The following LCA5L variants were observed in gnomAD, a reference collection of about 807,000 sequenced individuals.
LCA5L encodes lebercilin-like protein.
In LCA5L, 35 loss-of-function variants were observed where a neutral mutation model predicts 45.4. That is an observed-to-expected ratio of 0.77 (90% CI 0.59 to 1.02). LCA5L has a LOEUF of 1.02. LCA5L is among the 50% of genes least tolerant of loss of function. The probability of loss-of-function intolerance (pLI) is 0.00; values close to 1 mark genes in which losing one functional copy is unlikely to be tolerated. For missense variants in LCA5L, 668 were observed against 761.6 expected (o/e 0.88, Z 1.45); for synonymous variants, 233 against 264.7 (o/e 0.88, Z 1.16).
chr21:39,420,799 C>G lies in LCA5L; in HGVS notation c.882G>C (p.Arg294=), dbSNP rs1170165164. ...TCTTCCGAGTCTCAATAGCCAGCTG[C>G]CGGCTAAAGGCTCTGCAGTTCAACC... ...QLRLNCRAFS[R]QLAIETRKTL... is the part of the protein sequence containing the mutation. Residue 294 remains arginine (R), a synonymous_variant, in exon 7 of 11, where the codon CGG becomes CGC. Coordinates refer to ENST00000288350, the MANE Select transcript of LCA5L (RefSeq NM_152505.4). The G allele has an allele frequency of 1.2e-6, 2 of 1,613,158 alleles. No homozygotes were observed. The highest frequency in any genetic ancestry group is 1.7e-6 in the Non-Finnish European group (2 of 1,179,246).
intron 8 of LCA5L, chr21:39,410,946 TC>T (rs1407930831): frequency 6.4e-6 from 3 of 470,876 alleles, no homozygotes; most frequent in Admixed American, 2.3e-5. Flanking sequence ...AGGTGAGTAT[TC>T]CTATGGTACT....
At chr21:39,434,869 G>A (rs1192620982) in intron 3 of LCA5L, among the ~76,000 whole-genome samples, 1 of 152,158 alleles carries the variant, frequency 6.6e-6, no homozygotes, top group Non-Finnish European at 1.5e-5. Context: ...TTTATTTAGT[G>A]TCTTCCAGGG....
intron 7 of LCA5L, among the ~76,000 whole-genome samples, chr21:39,418,767 T>C (rs1200482409): frequency 6.6e-6 from 1 of 152,332 alleles, no homozygotes; most frequent in East Asian, 1.9e-4. Context: ...CCCAAAGTGC[T>C]GGGATTACAG....
Position 39,422,975 on chromosome 21 carries a change from C to T in LCA5L, c.837+1G>A. Reference sequence around the variant, plus strand: ...ACTGTCTGGGCCCCTGAAATACAGACCTGTATTTTTTTGTCATTTGCGTCC... The same window carrying T: ...ACTGTCTGGGCCCCTGAAATACAGATCTGTATTTTTTTGTCATTTGCGTCC... On this transcript the variant is annotated splice_donor_variant, in intron 6 of 10. Coordinates refer to ENST00000288350, the MANE Select transcript of LCA5L (RefSeq NM_152505.4). LOFTEE classifies it high-confidence loss of function. The T allele has an allele frequency of 6.2e-7, 1 of 1,612,654 alleles. No homozygotes were observed. The highest frequency in any genetic ancestry group is 8.5e-7 in the Non-Finnish European group (1 of 1,179,380).
At chr21:39,428,735 C>T (rs2075304302) in intron 4 of LCA5L, among the ~76,000 whole-genome samples, 1 of 147,960 alleles carries the variant, frequency 6.8e-6, no homozygotes, top group Non-Finnish European at 1.5e-5. Context: ...AGCTCAGCCT[C>T]TGGAGTAGCT....
At position 39,445,765 on chromosome 21, in the gene LCA5L, G is replaced by A. The variant is rs2277787; in HGVS notation, c.-353C>T. 0.37 allele frequency: 55,927 copies of A among 152,132 alleles called. 10,682 individuals are homozygous for A. Among genetic ancestry groups the A allele is most frequent in the African/African-American group, 0.42 (17,612 of 41,508 alleles). The allele number at this position is 152,132 out of a possible 1,614,324, so 9.4% of individuals were successfully genotyped here. A position where few individuals can be genotyped will look rare whatever the true frequency, so the allele number is the denominator to read the frequency against. On this transcript the variant is annotated 5_prime_UTR_variant, in exon 1 of 11. Coordinates refer to ENST00000288350, the MANE Select transcript of LCA5L (RefSeq NM_152505.4). The stretch of plus-strand genomic sequence containing the variant: ...CCCACGACTGCGCCAACGCCGCAGC[G>A]CCGGCGCGTCCCCATGGAAACCCGC...
chr21:39,435,976 G>C (rs1441732831), intron 2 of LCA5L: 2 of 152,164 alleles, frequency 1.3e-5, no homozygotes, highest in East Asian at 3.8e-4. Context: ...ATCACCTGTT[G>C]GCAGTTGATT....
chr21:39,423,580 T>C, intron 5 of LCA5L, 90 bp from the exon 6 acceptor site: 1 of 1,122,124 alleles, frequency 8.9e-7, no homozygotes, highest in Non-Finnish European at 1.2e-6. Flanking sequence ...CATGCCCCCA[T>C]GCACACACAC....
intron 2 of LCA5L, 110 bp downstream of exon 2, chr21:39,444,025 G>A (rs942954112): frequency 8.9e-6 from 1 of 112,728 alleles, no homozygotes; most frequent in Non-Finnish European, 1.9e-5. Flanking sequence ...GTAAGGCTCT[G>A]TCTTAAAAAA....
At chr21:39,408,849 G>C (rs1266541801) in intron 10 of LCA5L, among the ~76,000 whole-genome samples, 1 of 152,208 alleles carries the variant, frequency 6.6e-6, no homozygotes, top group East Asian at 1.9e-4. Context: ...TATATTCAAG[G>C]GAGCTGAAGC....
chr21:39,418,209 T>C (rs968382933), intron 7 of LCA5L, among the ~76,000 whole-genome samples: 16 of 152,148 alleles, frequency 1.1e-4, no homozygotes, highest in African/African-American at 3.9e-4. Flanking sequence ...GGAGCTACAA[T>C]TCAAGATGAG....
intron 3 of LCA5L, among the ~76,000 whole-genome samples, chr21:39,432,417 G>T (rs538683244): frequency 1.3e-5 from 2 of 152,250 alleles, no homozygotes; most frequent in Non-Finnish European, 2.9e-5. Flanking sequence ...TTTAAAAAAT[G>T]TATCAAATAG....
chr21:39,426,737 G>A (rs1393857140), intron 5 of LCA5L, among the ~76,000 whole-genome samples: 1 of 152,242 alleles, frequency 6.6e-6, no homozygotes, highest in African/African-American at 2.4e-5. Flanking sequence ...AATTTCAAAT[G>A]TGGATAAGGA....
chr21:39,431,753 T>C (rs1257295493), intron 3 of LCA5L, among the ~76,000 whole-genome samples: 1 of 152,158 alleles, frequency 6.6e-6, no homozygotes, highest in East Asian at 1.9e-4. Context: ...CTTGACCTTG[T>C]GATCTGCCCG....
chr21:39,442,435 T>TA (rs1486090331), intron 2 of LCA5L, among the ~76,000 whole-genome samples: 2 of 152,092 alleles, frequency 1.3e-5, no homozygotes, highest in African/African-American at 4.8e-5. Context: ...AGGGGTGGCA[T>TA]AATCAGCTCT....
Position 39,410,745 on chromosome 21 carries a change from C to T in LCA5L, c.1061-378G>A, listed in dbSNP as rs1489704096. 4.0e-5 allele frequency: 18 copies of T among 447,828 alleles called. No homozygotes were observed. The East Asian group carries it at 6.3e-4, about 16-fold the overall frequency. The allele number at this position is 447,828 out of a possible 1,614,324, so 27.7% of individuals were successfully genotyped here. On this transcript the variant is annotated intron_variant, in intron 8 of 10. Coordinates refer to ENST00000288350, the MANE Select transcript of LCA5L (RefSeq NM_152505.4). ...AGTGGTTAGACTGTCCATGCTGAAGCGCATGACCACTAAATCTAGACTGCA... is the reference window on the plus strand; with the variant it reads ...AGTGGTTAGACTGTCCATGCTGAAGTGCATGACCACTAAATCTAGACTGCA...
chr21:39,437,969 A>T (rs2076444487), intron 2 of LCA5L, among the ~76,000 whole-genome samples: 1 of 152,342 alleles, frequency 6.6e-6, no homozygotes, highest in Non-Finnish European at 1.5e-5. Flanking sequence ...AATCTACATG[A>T]TCAATGTATT....
At chr21:39,423,623 G>C (rs1482374747) in intron 5 of LCA5L, 133 bp from the exon 6 acceptor site, 2 of 680,538 alleles carry the variant, frequency 2.9e-6, no homozygotes, top group East Asian at 2.9e-5. Flanking sequence ...AGTGTAACTA[G>C]AAGGGGACAA....
rs768902734 is a variant in LCA5L, at chr21:39,406,492, A to G, written c.1403T>C (p.Leu468Pro). The G allele has an allele frequency of 3.1e-6, 5 of 1,613,802 alleles. No individual in the cohort carries two copies. In the South Asian group the frequency reaches 4.4e-5, roughly 14 times the overall value. Reference protein sequence around the residue: ...KNIFVKEEQELPPKIIEVIHP... With the variant: ...KNIFVKEEQEPPPKIIEVIHP... Reference sequence around the variant, plus strand: ...AATAACTTCAATTATTTTTGGTGGTAGTTCTTGCTCTTCTTTCACAAAAAT... The same window carrying G: ...AATAACTTCAATTATTTTTGGTGGTGGTTCTTGCTCTTCTTTCACAAAAAT... Residue 468 changes from leucine to proline, a missense_variant, in exon 11 of 11, where the codon CTA becomes CCA. Leu to Pro is a moderately conservative substitution (Grantham distance 98). Coordinates refer to ENST00000288350, the MANE Select transcript of LCA5L (RefSeq NM_152505.4).
Sources: gnomAD v4.1 joint callset for allele counts (sites outside exome capture counted in the v4.1 genomes callset) on GRCh38, gnomAD v4.1.1 for gene constraint, MANE v1.5 for transcripts, NCBI Gene and HGNC (gene_info 2026-07-23, HGNC 2026-07-21) for gene names.